The following LRP1B variants were observed in gnomAD, a reference collection of about 807,000 sequenced individuals.
LRP1B encodes LDL receptor related protein 1B, also known as low-density lipoprotein receptor-related protein 1B.
Under a neutral mutation model 556.6 loss-of-function variants are expected in LRP1B, and 217 were observed. The observed-to-expected ratio is 0.39, with a 90% CI of 0.35 to 0.44. The LOEUF is 0.44. Ranked by LOEUF, LRP1B falls within the 20% of genes least tolerant of loss-of-function variation. LRP1B has a pLI of 1.00. For missense variants in LRP1B, 5,053 were observed against 5,620.8 expected (o/e 0.90, Z 3.23); for synonymous variants, 2,047 against 1,865.8 (o/e 1.10, Z -2.50).
At chr2:141,520,315 A>G (rs1165266355) in intron 2 of LRP1B, among the ~76,000 whole-genome samples, 2 of 152,198 alleles carry the variant, frequency 1.3e-5, no homozygotes, top group East Asian at 3.9e-4. Flanking sequence ...ATTCTGTCAG[A>G]GCATCCTTAT....
chr2:141,110,885 A>T (rs1196629281), intron 7 of LRP1B, among the ~76,000 whole-genome samples: 3 of 152,230 alleles, frequency 2.0e-5, no homozygotes, highest in Non-Finnish European at 4.4e-5. Flanking sequence ...AACAATCATT[A>T]TACCAACTCT....
At chr2:140,657,618 C>T (rs548312958) in intron 41 of LRP1B, among the ~76,000 whole-genome samples, 1 of 115,694 alleles carries the variant, frequency 8.6e-6, no homozygotes, top group South Asian at 2.7e-4. Flanking sequence ...TATATACATA[C>T]ATATATACAT....
intron 1 of LRP1B, among the ~76,000 whole-genome samples, chr2:141,821,613 G>A (rs979012627): frequency 1.3e-5 from 2 of 152,138 alleles, no homozygotes; most frequent in African/African-American, 4.8e-5. Context: ...TTGTGTACAA[G>A]TGTGTATACA....
intron 2 of LRP1B, among the ~76,000 whole-genome samples, chr2:141,661,378 T>A (rs1033946332): frequency 6.6e-6 from 1 of 152,124 alleles, no homozygotes; most frequent in Non-Finnish European, 1.5e-5. Flanking sequence ...ATACCGAACT[T>A]CACTGAGCTA....
chr2:141,938,676 A>G (rs1354922974), intron 1 of LRP1B, among the ~76,000 whole-genome samples: 1 of 152,136 alleles, frequency 6.6e-6, no homozygotes, highest in Non-Finnish European at 1.5e-5. Flanking sequence ...TAGCCAAAAT[A>G]TGGAAACAAC....
intron 72 of LRP1B, among the ~76,000 whole-genome samples, chr2:140,363,508 T>C (rs1425821693): frequency 1.3e-5 from 2 of 151,586 alleles, no homozygotes; most frequent in African/African-American, 4.8e-5. Context: ...GCTTCTGGAT[T>C]GATGTTGGTA....
chr2:141,254,479 G>A (rs1469124117), intron 4 of LRP1B, 43 bp downstream of exon 4: 9 of 1,601,402 alleles, frequency 5.6e-6, no homozygotes, highest in Non-Finnish European at 7.7e-6. Context: ...TGTTAACTAA[G>A]CCTCTATAAA....
At chr2:141,574,566 C>T (rs1246751563) in intron 2 of LRP1B, among the ~76,000 whole-genome samples, 1 of 152,150 alleles carries the variant, frequency 6.6e-6, no homozygotes, top group African/African-American at 2.4e-5. Flanking sequence ...ATGCCTCTCT[C>T]ACCACTCCTA....
rs138845975 is a variant in LRP1B at position 141,947,824 on chromosome 2, A to AAAAAC, written c.83-137424_83-137423insGTTTT. ...TTTTTTTTTAAATATCAGAAAAAAA[A>AAAAAC]AACAACAATACTGAAAGGATGTTTC... On this transcript the variant is annotated intron_variant, in intron 1 of 90. Coordinates refer to ENST00000389484, the MANE Select transcript of LRP1B (RefSeq NM_018557.3). Among the ~76,000 whole-genome samples the AAAAAC allele has an allele frequency of 9.7e-4, 145 of 149,166 alleles. 2 individuals are homozygous for AAAAAC. The Middle Eastern group carries it at 0.027, about 28-fold the overall frequency.
chr2:140,504,344 C>T (rs1399299468), intron 53 of LRP1B, among the ~76,000 whole-genome samples: 1 of 152,134 alleles, frequency 6.6e-6, no homozygotes, highest in Non-Finnish European at 1.5e-5. Context: ...CACAGTCTAC[C>T]TTCCTGGACT....
chr2:141,660,186 A>G (rs1690160173), intron 2 of LRP1B, among the ~76,000 whole-genome samples: 1 of 151,988 alleles, frequency 6.6e-6, no homozygotes, highest in African/African-American at 2.4e-5. Context: ...AGAGTGAGGA[A>G]AAGCAGGGTG....
At chr2:141,772,607 C>A (rs936041678) in intron 2 of LRP1B, among the ~76,000 whole-genome samples, 8 of 152,176 alleles carry the variant, frequency 5.3e-5, no homozygotes, top group African/African-American at 1.9e-4. Flanking sequence ...GTTTGAGAAT[C>A]ACTGCTTCAG....
At chr2:140,789,842 G>A (rs1301187314) in intron 32 of LRP1B, among the ~76,000 whole-genome samples, 1 of 151,288 alleles carries the variant, frequency 6.6e-6, no homozygotes, top group African/African-American at 2.4e-5. Context: ...GTTTTAGCCG[G>A]GATGGTCTCG....
chr2:140,903,981 G>A (rs1210568552), intron 22 of LRP1B, among the ~76,000 whole-genome samples: 5 of 151,854 alleles, frequency 3.3e-5, no homozygotes, highest in African/African-American at 1.2e-4. Context: ...AAAAAGATTA[G>A]CTTTTTAAAT....
intron 84 of LRP1B, among the ~76,000 whole-genome samples, chr2:140,294,956 A>G (rs974585303): frequency 2.0e-5 from 3 of 152,104 alleles, no homozygotes; most frequent in African/African-American, 7.2e-5. Context: ...GGCTCACTGC[A>G]AGCTCCACCT....
At chr2:141,007,255 A>T (rs1343048543) in intron 14 of LRP1B, among the ~76,000 whole-genome samples, 1 of 151,784 alleles carries the variant, frequency 6.6e-6, no homozygotes, top group East Asian at 1.9e-4. Context: ...TAAGAAAAAA[A>T]CTCTAAAATG....
At chr2:140,642,954 A>G (rs1288769050) in intron 41 of LRP1B, among the ~76,000 whole-genome samples, 1 of 152,228 alleles carries the variant, frequency 6.6e-6, no homozygotes, top group Non-Finnish European at 1.5e-5. Context: ...ATATACAAAC[A>G]TAAATATGCA....
chr2:140,457,321 T>G (rs1399007513), intron 61 of LRP1B, 142 bp downstream of exon 61: 1 of 665,704 alleles, frequency 1.5e-6, no homozygotes, highest in African/African-American at 1.8e-5. Context: ...ATTGACTGAA[T>G]TCTTCCATAA....
rs114891011 is a variant in LRP1B, at chr2:141,515,925, A to C, written c.206-35392T>G. ...AATGTGAAAAGAGAGAAAAACTTAC[A>C]TTCAGCTTTTGGTAAGACTCATATT... On this transcript the variant is annotated intron_variant, in intron 2 of 90. Coordinates refer to ENST00000389484, the MANE Select transcript of LRP1B (RefSeq NM_018557.3). 6.6e-3 allele frequency among the ~76,000 whole-genome samples: 1,011 copies of C among 152,332 alleles called. 9 individuals are homozygous for C. The highest frequency in any genetic ancestry group is 0.023 in the African/African-American group (976 of 41,570).
Sources: allele counts gnomAD v4.1 joint callset (sites outside exome capture counted in the v4.1 genomes callset), GRCh38; gene constraint gnomAD v4.1.1; transcripts MANE v1.5; gene names NCBI Gene and HGNC (gene_info 2026-07-23, HGNC 2026-07-21).